Variants in ADCY7 observed in about 807,000 individuals in gnomAD.
ADCY7 encodes adenylate cyclase 7, also known as adenylate cyclase type 7.
A neutral mutation model predicts 120.6 loss-of-function variants in ADCY7; 72 were observed. The observed-to-expected ratio is 0.60, with a 90% CI of 0.49 to 0.73. The LOEUF (loss-of-function observed/expected upper bound fraction) is 0.73, where lower values mean the gene tolerates loss of function less well. Ranked by LOEUF, ADCY7 falls within the 30% of genes least tolerant of loss-of-function variation. The pLI, the probability that ADCY7 is intolerant of heterozygous loss-of-function variation, is 0.00. For missense variants in ADCY7, 1,227 were observed against 1,486.0 expected (o/e 0.83, Z 2.87); for synonymous variants, 661 against 628.0 (o/e 1.05, Z -0.78).
intron 1 of ADCY7, among the ~76,000 whole-genome samples, chr16:50,271,116 C>T (rs2033543495): frequency 1.3e-5 from 2 of 152,218 alleles, no homozygotes; most frequent in Non-Finnish European, 2.9e-5. Context: ...GCCTGGAAGC[C>T]TTTCTAGAAG....
chr16:50,256,852 T>A lies in ADCY7; in HGVS notation c.-64+10649T>A, dbSNP rs189886156. ...ATATCCAAAGGATTTGAAAGCAGCA[T>A]GTCAAAGAGATATCTGCACTCCCAT... On this transcript the variant is annotated intron_variant, in intron 1 of 4. Transcript: ENST00000564044. Among the ~76,000 whole-genome samples, 8 of 152,166 alleles carry A rather than the reference T, an allele frequency of 5.3e-5. No homozygotes were observed. The South Asian group carries it at 1.7e-3, about 32-fold the overall frequency.
intron 1 of ADCY7, among the ~76,000 whole-genome samples, chr16:50,268,827 AG>A: frequency 6.6e-6 from 1 of 152,290 alleles, no homozygotes; most frequent in African/African-American, 2.4e-5. Context: ...ACTTGAGCCC[AG>A]GGGTTCGAGA....
intron 1 of ADCY7, among the ~76,000 whole-genome samples, chr16:50,251,860 G>A (rs1243972975): frequency 1.3e-5 from 2 of 152,180 alleles, no homozygotes; most frequent in Non-Finnish European, 2.9e-5. Context: ...CCCCTTCCCC[G>A]GCCTGCTCCC....
intron 5 of ADCY7, 125 bp from the exon 6 acceptor site, chr16:50,293,229 C>A: frequency 9.2e-7 from 1 of 1,090,568 alleles, no homozygotes; most frequent in South Asian, 1.4e-5. Flanking sequence ...GCAGGGCAGG[C>A]AGGCAGGGAG....
In ADCY7 at chr16:50,313,435, CA is replaced by C. The variant is rs764858899; in HGVS notation, c.2751+409del. 37 of 164,440 alleles carry C rather than the reference CA, an allele frequency of 2.3e-4. 1 individual carries two copies. The highest frequency in any genetic ancestry group is 1.0e-3 in the South Asian group (7 of 6,868). 10.2% of individuals were successfully genotyped at this position (164,440 alleles called of 1,614,324 possible). A position where few individuals can be genotyped will look rare whatever the true frequency, so the allele number is the denominator to read the frequency against. On this transcript the variant is annotated intron_variant, in intron 22 of 25. Transcript: ENST00000673801. ...CTGTCTCAAACAACAACAACAACAACAAAAAAAAAACGACGTGGCCCGCCTG... is the reference window on the plus strand; with the variant it reads ...CTGTCTCAAACAACAACAACAACAACAAAAAAAAACGACGTGGCCCGCCTG...
chr16:50,264,732 A>G (rs150897811), upstream of ADCY7, among the ~76,000 whole-genome samples: 7 of 150,300 alleles, frequency 4.7e-5, no homozygotes, highest in East Asian at 1.2e-3. Flanking sequence ...TCATGTGCTT[A>G]TTGGTCATTT....
rs571114471 is a variant in ADCY7, at chr16:50,293,176, G to C, written c.688-178G>C. Among the ~76,000 whole-genome samples, 5 of 152,330 alleles carry C rather than the reference G, an allele frequency of 3.3e-5. No individual in the cohort carries two copies. In the South Asian group the frequency reaches 1.0e-3, roughly 32 times the overall value. On this transcript the variant is annotated intron_variant, in intron 5 of 25. Transcript: ENST00000673801. ...TGGGTACATGGGAGGTAGATGCTCA[G>C]TTGGGTTGGTGGAGGACAAGAGCAG...
chr16:50,275,308 A>G (rs900693392), intron 1 of ADCY7, among the ~76,000 whole-genome samples: 28 of 152,324 alleles, frequency 1.8e-4, no homozygotes, highest in African/African-American at 6.5e-4. Context: ...ACCTGGGGTC[A>G]GGTGGAGGTG....
chr16:50,299,138 CGGG>C (rs1263045789), intron 8 of ADCY7, 107 bp downstream of exon 8: 1 of 1,402,050 alleles, frequency 7.1e-7, no homozygotes, highest in Non-Finnish European at 9.4e-7. Context: ...AACTGAGGCT[CGGG>C]GGGTTGGGGG....
At position 50,278,942 on chromosome 16, in the gene ADCY7, T is replaced by C. The variant is rs138960374; in HGVS notation, c.-268-8970T>C. Among the ~76,000 whole-genome samples the C allele has an allele frequency of 2.2e-3, 329 of 150,030 alleles. 3 individuals are homozygous for C. Among genetic ancestry groups the C allele is most frequent in the African/African-American group, 7.5e-3 (306 of 40,694 alleles). On this transcript the variant is annotated intron_variant, in intron 1 of 25. Coordinates refer to ENST00000673801, the MANE Select transcript of ADCY7 (RefSeq NM_001114.5). ...GCTGGAGTACAGTGGTGCAATCCCA[T>C]CTCACTGCAACCTCTGCCTCCCGAG...
intron 3 of ADCY7, 37 bp from the exon 4 acceptor site, chr16:50,291,699 A>G: frequency 6.2e-7 from 1 of 1,613,046 alleles, no homozygotes; most frequent in Non-Finnish European, 8.5e-7. Context: ...CTGGGGCAGC[A>G]TCTTGGGGCA....
At chr16:50,265,166 G>A (rs2033164587), upstream of ADCY7, among the ~76,000 whole-genome samples, 1 of 152,170 alleles carries the variant, frequency 6.6e-6, no homozygotes, top group Non-Finnish European at 1.5e-5. Flanking sequence ...CTAGGGAGGA[G>A]TCTTTTGTCA....
intron 21 of ADCY7, 134 bp downstream of exon 21, chr16:50,312,325 C>T (rs539715536): frequency 1.2e-4 from 119 of 985,690 alleles, no homozygotes; most frequent in South Asian, 1.2e-3. Flanking sequence ...GATGCCCAGG[C>T]GACAATGTAT....
intron 1 of ADCY7, among the ~76,000 whole-genome samples, chr16:50,274,966 G>A (rs762763557): frequency 2.0e-5 from 3 of 152,216 alleles, no homozygotes; most frequent in Non-Finnish European, 4.4e-5. Context: ...TCTATTCCCT[G>A]CACTGTGGCA....
intron 1 of ADCY7, among the ~76,000 whole-genome samples, chr16:50,246,615 G>T (rs2032595796): frequency 6.6e-6 from 1 of 152,224 alleles, no homozygotes; most frequent in African/African-American, 2.4e-5. Flanking sequence ...ACTGCACAGG[G>T]TAGCAGCCTC....
chr16:50,263,878 C>T (rs976611655), upstream of ADCY7, among the ~76,000 whole-genome samples: 1 of 152,178 alleles, frequency 6.6e-6, no homozygotes, highest in African/African-American at 2.4e-5. Flanking sequence ...GCCTCTCGCC[C>T]ACTGGGCCAG....
rs746983683 is a variant in ADCY7 at position 50,315,516 on chromosome 16, T to C, written c.*11T>C. On this transcript the variant is annotated 3_prime_UTR_variant, in exon 26 of 26. Coordinates refer to ENST00000673801, the MANE Select transcript of ADCY7 (RefSeq NM_001114.5). ...CTGGGGCTGAACTGAGGGCTCCTGC[T>C]GGATTCCGAAAAGGCCGGGAAGCCA... 6.2e-7 allele frequency: 1 copy of C among 1,600,982 alleles called. No individual in the cohort carries two copies. Among genetic ancestry groups the C allele is most frequent in the African/African-American group, 1.3e-5 (1 of 74,826 alleles).
chr16:50,303,164 G>A (rs1468584522), intron 10 of ADCY7, among the ~76,000 whole-genome samples: 1 of 152,204 alleles, frequency 6.6e-6, no homozygotes, highest in Non-Finnish European at 1.5e-5. Flanking sequence ...TGTAGGCAGA[G>A]TTGTCACAAT....
At chr16:50,276,420 G>C (rs1234032037) in intron 1 of ADCY7, among the ~76,000 whole-genome samples, 1 of 152,302 alleles carries the variant, frequency 6.6e-6, no homozygotes, top group African/African-American at 2.4e-5. Flanking sequence ...GGTGATGCAT[G>C]CCATCTAGAC....
Sources: allele counts gnomAD v4.1 joint callset (sites outside exome capture counted in the v4.1 genomes callset), GRCh38; gene constraint gnomAD v4.1.1; transcripts MANE v1.5; gene names NCBI Gene and HGNC (gene_info 2026-07-23, HGNC 2026-07-21).